VWA3B: variants seen among roughly 807,000 people sequenced by gnomAD.
The protein encoded by VWA3B is von Willebrand factor A domain-containing protein 3B.
Under a neutral mutation model 158.3 loss-of-function variants are expected in VWA3B, and 138 were observed. The observed-to-expected ratio is 0.87, with a 90% CI of 0.76 to 1.00. The LOEUF (loss-of-function observed/expected upper bound fraction) is 1.00. VWA3B is among the 50% of genes least tolerant of loss of function. The pLI, the probability that VWA3B is intolerant of heterozygous loss-of-function variation, is 0.00. For synonymous variants in VWA3B, 596 were observed against 587.3 expected (o/e 1.01, Z -0.21); for missense variants, 1,555 against 1,565.1 (o/e 0.99, Z 0.11).
intron 7 of VWA3B, among the ~76,000 whole-genome samples, chr2:98,146,010 C>G (rs887001284): frequency 1.3e-5 from 2 of 152,140 alleles, no homozygotes; most frequent in African/African-American, 4.8e-5. Context: ...GCTGGGATTA[C>G]AGGTATGAGC....
chr2:98,321,363 A>G, the VWA3B span, among the ~76,000 whole-genome samples: 97 of 152,300 alleles, frequency 6.4e-4, 1 homozygote, highest in African/African-American at 2.2e-3. Flanking sequence ...AGCTGTGAGA[A>G]GAGGGCCACT....
At chr2:98,143,126 A>G (rs890342830) in intron 7 of VWA3B, among the ~76,000 whole-genome samples, 3 of 152,124 alleles carry the variant, frequency 2.0e-5, no homozygotes, top group Admixed American at 6.5e-5. Context: ...TGCAACCTCC[A>G]TCTCCTGGGT....
intron 23 of VWA3B, 173 bp downstream of exon 23, chr2:98,290,795 C>T (rs563207185): frequency 2.3e-5 from 12 of 518,264 alleles, no homozygotes; most frequent in Middle Eastern, 2.9e-4. Context: ...ATGAAATGAG[C>T]GTATTTGGGC....
rs917030708 is a variant in VWA3B at position 98,218,084 on chromosome 2, G to C, written c.2019+56G>C. The C allele has an allele frequency of 6.6e-6, 10 of 1,522,106 alleles. No homozygotes were observed. In the African/African-American group the frequency reaches 1.1e-4, roughly 17 times the overall value. 94.3% of individuals were successfully genotyped at this position (1,522,106 alleles called of 1,614,324 possible). A position where few individuals can be genotyped will look rare whatever the true frequency, so the allele number is the denominator to read the frequency against. On this transcript the variant is annotated intron_variant, in intron 14 of 27. Coordinates refer to ENST00000477737, the MANE Select transcript of VWA3B (RefSeq NM_144992.5). ...TTCATTTGTTTGAGCATTACAGGCT[G>C]GCGGTCCCTGGGTAATACCTTCGTT...
At chr2:98,317,953 G>A (rs145099731), downstream of VWA3B, among the ~76,000 whole-genome samples, 285 of 152,350 alleles carry the variant, frequency 1.9e-3, 2 homozygotes, top group African/African-American at 6.5e-3. Context: ...AAGCTATGGG[G>A]AGGAACTTAT....
chr2:98,107,935 T>A (rs563082868), intron 2 of VWA3B, among the ~76,000 whole-genome samples: 1 of 152,076 alleles, frequency 6.6e-6, no homozygotes, highest in South Asian at 2.1e-4. Flanking sequence ...TTTTTTCTAA[T>A]TTCTTCAGTT....
At chr2:98,264,450 T>C (rs1475084960) in intron 21 of VWA3B, among the ~76,000 whole-genome samples, 1 of 152,190 alleles carries the variant, frequency 6.6e-6, no homozygotes, top group Non-Finnish European at 1.5e-5. Flanking sequence ...TATCTTCTAA[T>C]TTCCCTTGTG....
In VWA3B at chr2:98,297,794, C is replaced by A. The variant is rs1447568769; in HGVS notation, c.3158-113C>A. 1.2e-5 allele frequency: 15 copies of A among 1,288,058 alleles called. No homozygotes were observed. In the Middle Eastern group the frequency reaches 1.1e-3, roughly 91 times the overall value. 79.8% of individuals were successfully genotyped at this position (1,288,058 alleles called of 1,614,324 possible). ...CTGCTGGAGAAATCAAAGGGGCACA[C>A]TGATTTAAACAGGCAAAGTGTTATA... On this transcript the variant is annotated intron_variant, in intron 23 of 27. Transcript: ENST00000477737.
intron 14 of VWA3B, among the ~76,000 whole-genome samples, chr2:98,223,354 A>G (rs1206464809): frequency 1.3e-5 from 2 of 151,776 alleles, no homozygotes; most frequent in African/African-American, 4.8e-5. Flanking sequence ...TGAGACAATG[A>G]CAAAATATCC....
rs988144663 is a variant in VWA3B at position 98,290,389 on chromosome 2, T to C, written c.3046-122T>C. 1.5e-5 allele frequency: 11 copies of C among 738,518 alleles called. No individual in the cohort carries two copies. In the African/African-American group the frequency reaches 2.0e-4, roughly 14 times the overall value. 45.7% of individuals were successfully genotyped at this position (738,518 alleles called of 1,614,324 possible). On this transcript the variant is annotated intron_variant, in intron 22 of 27. Coordinates refer to ENST00000477737, the MANE Select transcript of VWA3B (RefSeq NM_144992.5). ...CACCTCCAACACTGGAACTTGTAAT[T>C]CAACATGAGATTTGGATGGGGACAC...
At chr2:98,122,950 C>T (rs191880880) in intron 5 of VWA3B, among the ~76,000 whole-genome samples, 1 of 152,328 alleles carries the variant, frequency 6.6e-6, no homozygotes, top group Admixed American at 6.5e-5. Context: ...ACATGCAAGC[C>T]CTGCACAGAC....
At chr2:98,140,002 G>A (rs1168359245) in intron 7 of VWA3B, among the ~76,000 whole-genome samples, 2 of 151,894 alleles carry the variant, frequency 1.3e-5, no homozygotes, top group African/African-American at 2.4e-5. Context: ...CAAGCCCACC[G>A]GGAGGAACGA....
intron 22 of VWA3B, among the ~76,000 whole-genome samples, chr2:98,283,268 C>T (rs78479290): frequency 2.1e-3 from 317 of 152,284 alleles, no homozygotes; most frequent in Non-Finnish European, 3.7e-3. Flanking sequence ...GGAGAAATGC[C>T]TTCCCAGAAT....
chr2:98,202,222 T>A (rs72817761), intron 12 of VWA3B, among the ~76,000 whole-genome samples: 36,848 of 152,046 alleles, frequency 0.24, 5,658 homozygotes, highest in South Asian at 0.48. Flanking sequence ...TGTACCTCTG[T>A]GAGTTAGTTT....
At chr2:98,129,265 AGAGG>A (rs1675652147) in intron 6 of VWA3B, among the ~76,000 whole-genome samples, 4 of 122,788 alleles carry the variant, frequency 3.3e-5, no homozygotes, top group East Asian at 5.6e-4. Context: ...GTGTGGAGAG[AGAGG>A]GAGGAGAGAG....
At chr2:98,224,780 C>T (rs1029517510) in intron 14 of VWA3B, among the ~76,000 whole-genome samples, 2 of 148,374 alleles carry the variant, frequency 1.3e-5, no homozygotes, top group Non-Finnish European at 3.0e-5. Flanking sequence ...CACAACCAAA[C>T]TATGTGCTGC....
intron 23 of VWA3B, among the ~76,000 whole-genome samples, chr2:98,296,106 A>G (rs538895589): frequency 6.6e-6 from 1 of 152,404 alleles, no homozygotes; most frequent in East Asian, 1.9e-4. Flanking sequence ...CGTCGGCTAC[A>G]CAGGCTCTGT....
intron 26 of VWA3B, among the ~76,000 whole-genome samples, chr2:98,310,107 A>C (rs1358165512): frequency 1.3e-5 from 2 of 152,122 alleles, no homozygotes; most frequent in Admixed American, 6.5e-5. Flanking sequence ...CCACCCCTTC[A>C]GTTGCTGAAA....
chr2:98,118,470 C>T (rs1674699489), intron 3 of VWA3B, among the ~76,000 whole-genome samples: 1 of 152,154 alleles, frequency 6.6e-6, no homozygotes, highest in South Asian at 2.1e-4. Flanking sequence ...AATCCCTAAG[C>T]CTAGCTGGGA....
Sources: allele counts gnomAD v4.1 joint callset (sites outside exome capture counted in the v4.1 genomes callset), GRCh38; gene constraint gnomAD v4.1.1; transcripts MANE v1.5; gene names NCBI Gene and HGNC (gene_info 2026-07-23, HGNC 2026-07-21).